The following TMEM232 variants were observed in gnomAD, a reference collection of about 807,000 sequenced individuals.
The protein encoded by TMEM232 is transmembrane protein 232.
Under a neutral mutation model 78.8 loss-of-function variants are expected in TMEM232, and 80 were observed. The observed-to-expected ratio is 1.01, with a 90% confidence interval of 0.85 to 1.22. The LOEUF is 1.22. Among genes scored for constraint, TMEM232 ranks in the 50% most tolerant of loss-of-function variants. The pLI, the probability that TMEM232 is intolerant of heterozygous loss-of-function variation, is 0.00. For synonymous variants in TMEM232, 297 were observed against 254.3 expected, an observed-to-expected ratio of 1.17 and a Z score of -1.60; for missense variants, 881 against 742.2, an observed-to-expected ratio of 1.19 and a Z score of -2.17.
At chr5:110,479,176 T>C (rs1763587565) in intron 12 of TMEM232, among the ~76,000 whole-genome samples, 2 of 151,808 alleles carry the variant, frequency 1.3e-5, no homozygotes, top group East Asian at 3.9e-4. Context: ...GGCTGAGGTA[T>C]TAATTGATTT....
chr5:110,411,589 A>C (rs1173279222), intron 2 of TMEM232, among the ~76,000 whole-genome samples: 2 of 152,202 alleles, frequency 1.3e-5, no homozygotes, highest in African/African-American at 2.4e-5. Flanking sequence ...ACATTAAAAA[A>C]CAATTCTCCA....
intron 2 of TMEM232, among the ~76,000 whole-genome samples, chr5:110,409,007 G>A (rs1012094376): frequency 1.3e-5 from 2 of 152,074 alleles, no homozygotes; most frequent in East Asian, 1.9e-4. Flanking sequence ...TTAAATCATG[G>A]AGTTTTGAGA....
intron 5 of TMEM232, 86 bp downstream of exon 5, chr5:110,638,112 T>G (rs1263813647): frequency 1.9e-6 from 2 of 1,046,116 alleles, no homozygotes; most frequent in African/African-American, 1.6e-5. Flanking sequence ...AACTAAATGT[T>G]CTGTTTTGAT....
intron 1 of TMEM232, among the ~76,000 whole-genome samples, chr5:110,698,409 C>A (rs1580713319): frequency 1.3e-5 from 2 of 151,958 alleles, no homozygotes; most frequent in African/African-American, 4.8e-5. Flanking sequence ...ACATTGTGCA[C>A]ACGTACCCTA....
intron 1 of TMEM232, among the ~76,000 whole-genome samples, chr5:110,713,728 C>A (rs554286612): frequency 9.7e-4 from 148 of 151,982 alleles, no homozygotes; most frequent in African/African-American, 3.4e-3. Flanking sequence ...AAAAAGACAG[C>A]TTTATCTTCT....
At chr5:110,692,277 T>A (rs1794219407) in intron 1 of TMEM232, among the ~76,000 whole-genome samples, 1 of 152,136 alleles carries the variant, frequency 6.6e-6, no homozygotes. Flanking sequence ...TCCTCAAACT[T>A]GGATCAGAAT....
intron 1 of TMEM232, among the ~76,000 whole-genome samples, chr5:110,679,027 A>G (rs917544822): frequency 6.6e-6 from 1 of 152,176 alleles, no homozygotes; most frequent in Non-Finnish European, 1.5e-5. Context: ...TCCTCTTGGT[A>G]AGTAACAAGC....
intron 2 of TMEM232, among the ~76,000 whole-genome samples, chr5:110,647,258 T>C (rs146212143): frequency 0.024 from 3,693 of 152,004 alleles, 47 homozygotes; most frequent in African/African-American, 0.032. Flanking sequence ...GCATGTGGTA[T>C]TGACCCATCA....
chr5:110,535,242 C>G (rs1205774313), intron 11 of TMEM232, among the ~76,000 whole-genome samples: 3 of 152,118 alleles, frequency 2.0e-5, no homozygotes, highest in East Asian at 1.9e-4. Flanking sequence ...ATGGCCTGTT[C>G]CTGCCTTAAC....
upstream of TMEM232, among the ~76,000 whole-genome samples, chr5:110,728,242 C>A (rs1360124446): frequency 6.6e-6 from 1 of 151,518 alleles, no homozygotes; most frequent in African/African-American, 2.4e-5. Flanking sequence ...TTACACATAT[C>A]TACTTATTCT....
chr5:110,394,892 C>G (rs897679304), intron 3 of TMEM232, among the ~76,000 whole-genome samples: 1 of 152,126 alleles, frequency 6.6e-6, no homozygotes, highest in Non-Finnish European at 1.5e-5. Flanking sequence ...CATGCTCTTG[C>G]TCCCCTTCAA....
chr5:110,606,230 G>A lies in TMEM232; in HGVS notation c.960C>T (p.Ala320=). The change falls in exon 9 of 14, where the codon GCC becomes GCT. Residue 320 remains alanine (A), a synonymous_variant. Transcript: ENST00000455884. ...CTACGTCCATTAAAGCTTTCAAGCAGGCCATGTTTAATTTGGCAGCCTCCC... is the reference window on the plus strand; with the variant it reads ...CTACGTCCATTAAAGCTTTCAAGCAAGCCATGTTTAATTTGGCAGCCTCCC... ...VLGEAAKLNM[A]CLKALMDVVR... The A allele has an allele frequency of 6.5e-7, 1 of 1,544,324 alleles. No homozygotes were observed. The highest frequency in any genetic ancestry group is 1.4e-5 in the African/African-American group (1 of 73,064).
intron 1 of TMEM232, among the ~76,000 whole-genome samples, chr5:110,685,709 T>C (rs190184842): frequency 6.6e-5 from 10 of 152,260 alleles, no homozygotes; most frequent in Non-Finnish European, 1.3e-4. Flanking sequence ...TATAGTACTG[T>C]TATTCGCAAT....
At chr5:110,566,963 T>A (rs774083751) in intron 11 of TMEM232, among the ~76,000 whole-genome samples, 2 of 151,708 alleles carry the variant, frequency 1.3e-5, no homozygotes, top group Non-Finnish European at 2.9e-5. Context: ...TGGTGGAAGG[T>A]GAAGGAGGAA....
intron 12 of TMEM232, among the ~76,000 whole-genome samples, chr5:110,509,435 C>T (rs151104939): frequency 4.8e-4 from 73 of 151,894 alleles, no homozygotes; most frequent in Non-Finnish European, 5.7e-4. Context: ...ACCATATCTC[C>T]AAAACAAAGT....
At chr5:110,433,712 T>C (rs1020522544) in intron 12 of TMEM232, among the ~76,000 whole-genome samples, 28 of 150,124 alleles carry the variant, frequency 1.9e-4, no homozygotes, top group African/African-American at 6.9e-4. Context: ...ATGCATTTGC[T>C]GAATTTATTG....
intron 1 of TMEM232, among the ~76,000 whole-genome samples, chr5:110,683,381 T>TAC (rs1034048968): frequency 3.3e-5 from 5 of 151,652 alleles, no homozygotes; most frequent in South Asian, 2.1e-4. Context: ...TACAAAGAGA[T>TAC]ACACACACAC....
At chr5:110,580,941 G>C (rs560893981) in intron 10 of TMEM232, among the ~76,000 whole-genome samples, 1 of 151,610 alleles carries the variant, frequency 6.6e-6, no homozygotes, top group East Asian at 1.9e-4. Flanking sequence ...CAATACCTAG[G>C]AATAGATCTA....
intron 8 of TMEM232, chr5:110,617,808 C>CAACA (rs144650087): frequency 0.032 from 4,650 of 147,520 alleles, 167 homozygotes; most frequent in African/African-American, 0.085. Flanking sequence ...ACTAAAAAAT[C>CAACA]AACAAACAAA....
Sources: allele counts gnomAD v4.1 joint callset (sites outside exome capture counted in the v4.1 genomes callset), GRCh38; gene constraint gnomAD v4.1.1; transcripts MANE v1.5; gene names NCBI Gene and HGNC (gene_info 2026-07-23, HGNC 2026-07-21).